The following BABAM2 variants were observed in gnomAD, a reference collection of about 807,000 sequenced individuals.
The protein encoded by BABAM2 is BRISC and BRCA1-A complex member 2.
In BABAM2, 31 loss-of-function variants were observed where a neutral mutation model predicts 54.7. That is an observed-to-expected ratio of 0.57 (90% CI 0.43 to 0.77). The LOEUF is 0.77. BABAM2 is among the 30% of genes least tolerant of loss of function. The pLI, the probability that BABAM2 is intolerant of heterozygous loss-of-function variation, is 0.00. For synonymous variants in BABAM2, 167 were observed against 162.9 expected, an observed-to-expected ratio of 1.03 and a Z score of -0.19; for missense variants, 364 against 455.8, an observed-to-expected ratio of 0.80 and a Z score of 1.83.
chr2:28,231,408 A>G (rs1366396097), intron 7 of BABAM2, among the ~76,000 whole-genome samples: 1 of 152,196 alleles, frequency 6.6e-6, no homozygotes, highest in African/African-American at 2.4e-5. Flanking sequence ...CCTTAGACAT[A>G]GTTAGGCATA....
intron 11 of BABAM2, among the ~76,000 whole-genome samples, chr2:28,331,430 G>A (rs1282718924): frequency 6.6e-6 from 1 of 151,968 alleles, no homozygotes; most frequent in Non-Finnish European, 1.5e-5. Flanking sequence ...ATCTGACAAA[G>A]GTCTAATATC....
chr2:27,985,676 T>G (rs1191504050), intron 3 of BABAM2, among the ~76,000 whole-genome samples: 6 of 152,176 alleles, frequency 3.9e-5, no homozygotes, highest in Non-Finnish European at 7.4e-5. Flanking sequence ...CTGTGGATGC[T>G]TACAATTTAA....
intron 2 of BABAM2, among the ~76,000 whole-genome samples, chr2:27,924,925 C>G (rs1446936309): frequency 1.3e-5 from 2 of 152,188 alleles, no homozygotes; most frequent in Non-Finnish European, 2.9e-5. Context: ...ATTTGCCCAA[C>G]ATTTCATTGG....
At chr2:28,046,389 G>A (rs1470597087) in intron 6 of BABAM2, among the ~76,000 whole-genome samples, 1 of 152,194 alleles carries the variant, frequency 6.6e-6, no homozygotes, top group African/African-American at 2.4e-5. Flanking sequence ...GAACCTGGGT[G>A]GCAGAGGTTG....
chr2:28,270,285 C>T (rs979583343), intron 10 of BABAM2, among the ~76,000 whole-genome samples: 1 of 152,116 alleles, frequency 6.6e-6, no homozygotes, highest in African/African-American at 2.4e-5. Context: ...GCACACCTAG[C>T]TGATTTTTTA....
chr2:28,021,934 A>G (rs1383192068), intron 4 of BABAM2, among the ~76,000 whole-genome samples: 1 of 152,200 alleles, frequency 6.6e-6, no homozygotes, highest in African/African-American at 2.4e-5. Flanking sequence ...GCGCATGTCT[A>G]AATTTGTGGC....
At chr2:28,233,386 A>G (rs921903249) in intron 7 of BABAM2, 3 of 392,678 alleles carry the variant, frequency 7.6e-6, no homozygotes, top group Middle Eastern at 6.8e-4. Flanking sequence ...GCTCAGCCCA[A>G]TATTTTTTGA....
At chr2:28,201,600 A>G (rs1237277697) in intron 7 of BABAM2, among the ~76,000 whole-genome samples, 1 of 148,468 alleles carries the variant, frequency 6.7e-6, no homozygotes, top group Non-Finnish European at 1.5e-5. Context: ...AATTTTGCTT[A>G]AAAGCTCTTC....
chr2:28,050,362 G>A (rs1287733485), intron 6 of BABAM2, among the ~76,000 whole-genome samples: 1 of 152,168 alleles, frequency 6.6e-6, no homozygotes, highest in Non-Finnish European at 1.5e-5. Context: ...GTGGCAGAAG[G>A]CTTTTCTTCA....
At chr2:28,066,425 G>T (rs370356479) in intron 6 of BABAM2, among the ~76,000 whole-genome samples, 33 of 152,130 alleles carry the variant, frequency 2.2e-4, no homozygotes, top group African/African-American at 6.8e-4. Context: ...AGCCTCTTTT[G>T]TAGACATGTA....
At chr2:28,065,754 T>C (rs1310899351) in intron 6 of BABAM2, among the ~76,000 whole-genome samples, 2 of 152,182 alleles carry the variant, frequency 1.3e-5, no homozygotes, top group African/African-American at 4.8e-5. Flanking sequence ...TGCCTTTTGT[T>C]AAGAAACCTA....
intron 11 of BABAM2, among the ~76,000 whole-genome samples, chr2:28,313,339 C>G (rs1043170097): frequency 3.9e-5 from 6 of 152,226 alleles, no homozygotes; most frequent in African/African-American, 1.4e-4. Flanking sequence ...ACTGCTATCT[C>G]CAAAGCAGCA....
intron 3 of BABAM2, among the ~76,000 whole-genome samples, chr2:27,957,153 C>G (rs1410380528): frequency 6.6e-6 from 1 of 152,154 alleles, no homozygotes. Flanking sequence ...CCTGTTTCTC[C>G]TTTTTCTGTT....
chr2:28,182,452 A>G (rs995187821), intron 7 of BABAM2, among the ~76,000 whole-genome samples: 1 of 152,194 alleles, frequency 6.6e-6, no homozygotes, highest in Non-Finnish European at 1.5e-5. Context: ...CAGTGCTGTG[A>G]TGAAACATCA....
At chr2:27,982,399 G>C (rs1270626172) in intron 3 of BABAM2, among the ~76,000 whole-genome samples, 1 of 151,988 alleles carries the variant, frequency 6.6e-6, no homozygotes, top group African/African-American at 2.4e-5. Flanking sequence ...TTGGTTTCAT[G>C]TCTGAGAAAG....
chr2:28,269,768 A>G (rs1198749787), intron 10 of BABAM2, among the ~76,000 whole-genome samples: 1 of 152,194 alleles, frequency 6.6e-6, no homozygotes, highest in Non-Finnish European at 1.5e-5. Flanking sequence ...CACAGATGTG[A>G]ACATGGGCTG....
chr2:28,285,652 ACT>A (rs1457489233), intron 10 of BABAM2, among the ~76,000 whole-genome samples: 1 of 149,954 alleles, frequency 6.7e-6, no homozygotes, highest in African/African-American at 2.5e-5. Context: ...TTCAGGCCTG[ACT>A]CTCTGGATTT....
intron 7 of BABAM2, among the ~76,000 whole-genome samples, chr2:28,134,099 C>T (rs1029983543): frequency 6.7e-6 from 1 of 150,042 alleles, no homozygotes; most frequent in African/African-American, 2.5e-5. Context: ...AAACATATTT[C>T]TGGCCCTATA....
At chr2:27,922,427 C>G (rs1667406255) in intron 2 of BABAM2, among the ~76,000 whole-genome samples, 1 of 152,164 alleles carries the variant, frequency 6.6e-6, no homozygotes, top group African/African-American at 2.4e-5. Flanking sequence ...GGTTCTTACG[C>G]TCAGCATTTT....
Sources: allele counts gnomAD v4.1 joint callset (sites outside exome capture counted in the v4.1 genomes callset), GRCh38; gene constraint gnomAD v4.1.1; transcripts MANE v1.5; gene names NCBI Gene and HGNC (gene_info 2026-07-23, HGNC 2026-07-21).